SLC1A7: variants seen among roughly 807,000 people sequenced by gnomAD.
SLC1A7 encodes solute carrier family 1 member 7, also known as excitatory amino acid transporter 5.
A neutral mutation model predicts 47.7 loss-of-function variants in SLC1A7; 40 were observed. The ratio of observed to expected loss-of-function variants is 0.84; its 90% CI spans 0.65 to 1.09. The LOEUF is 1.09. SLC1A7 is among the 50% of genes least tolerant of loss of function. The pLI is 0.00. For synonymous variants in SLC1A7, 323 were observed against 325.6 expected (o/e 0.99, Z 0.09); for missense variants, 746 against 769.5 (o/e 0.97, Z 0.36).
chr1:53,117,601 T>G (rs938487541), intron 2 of SLC1A7, among the ~76,000 whole-genome samples: 1 of 152,252 alleles, frequency 6.6e-6, no homozygotes, highest in South Asian at 2.1e-4. Context: ...TTTGCATCTC[T>G]GCAGTGAGCC....
At chr1:53,134,202 C>G in intron 2 of SLC1A7, 148 bp downstream of exon 2, 1 of 566,518 alleles carries the variant, frequency 1.8e-6, no homozygotes, top group Non-Finnish European at 3.2e-6. Context: ...GCCGGCAGCC[C>G]ACGGCACTGC....
intron 2 of SLC1A7, chr1:53,115,741 G>C (rs1178173379): frequency 6.6e-6 from 1 of 152,286 alleles, no homozygotes; most frequent in African/African-American, 2.4e-5. Context: ...CTGGGCCCAG[G>C]CTCCTTGTCA....
intron 7 of SLC1A7, among the ~76,000 whole-genome samples, chr1:53,091,602 T>C (rs1347274485): frequency 6.6e-6 from 1 of 152,204 alleles, no homozygotes. Context: ...TGGGCTTTTC[T>C]TCACTGGGGT....
Position 53,142,484 on chromosome 1 carries a change from C to A in SLC1A7, c.-35G>T. ...GGCCTGCTGGCAAGGGGCACAGCACCATTCCACGCATGAGAGCCCGGCCGG... is the reference window on the plus strand; with the variant it reads ...GGCCTGCTGGCAAGGGGCACAGCACAATTCCACGCATGAGAGCCCGGCCGG... On this transcript the variant is annotated 5_prime_UTR_variant, in exon 1 of 11. An upstream start codon of the reference 5' UTR is lost. Coordinates refer to ENST00000371494, the MANE Select transcript of SLC1A7 (RefSeq NM_006671.6). 1 of 1,607,468 alleles carries A rather than the reference C, an allele frequency of 6.2e-7. No homozygotes were observed. Among genetic ancestry groups the A allele is most frequent in the Non-Finnish European group, 8.5e-7 (1 of 1,177,196 alleles).
intron 7 of SLC1A7, 93 bp from the exon 8 acceptor site, chr1:53,090,899 C>T: frequency 6.5e-7 from 1 of 1,549,356 alleles, no homozygotes; most frequent in Non-Finnish European, 8.7e-7. Flanking sequence ...GGCAGCCACC[C>T]CGCCAGGAGT....
At chr1:53,097,245 C>A (rs971056079) in intron 5 of SLC1A7, among the ~76,000 whole-genome samples, 2 of 150,706 alleles carry the variant, frequency 1.3e-5, no homozygotes, top group Non-Finnish European at 3.0e-5. Flanking sequence ...TCGGTACACT[C>A]ATTTTTTCTC....
At chr1:53,137,400 A>G (rs28850943) in intron 1 of SLC1A7, among the ~76,000 whole-genome samples, 52,439 of 151,766 alleles carry the variant, frequency 0.35, 9,291 homozygotes, top group Admixed American at 0.44. Context: ...GCTGTTTCCC[A>G]TAGTATCACT....
intron 5 of SLC1A7, among the ~76,000 whole-genome samples, chr1:53,096,730 C>T (rs151224712): frequency 0.013 from 2,033 of 151,336 alleles, 31 homozygotes; most frequent in Non-Finnish European, 0.017. Flanking sequence ...CACTCACATA[C>T]CCCGCCTTGA....
At chr1:53,111,908 C>T (rs1364047465) in intron 3 of SLC1A7, among the ~76,000 whole-genome samples, 2 of 152,164 alleles carry the variant, frequency 1.3e-5, no homozygotes, top group Non-Finnish European at 2.9e-5. Flanking sequence ...AGGTGACAGC[C>T]ACGCGATAGG....
In SLC1A7 at chr1:53,092,775, G is replaced by A. The variant is rs771136123; in HGVS notation, c.810C>T (p.Phe270=). 3.7e-6 allele frequency: 6 copies of A among 1,612,110 alleles called. No individual in the cohort carries two copies. Among genetic ancestry groups the A allele is most frequent in the African/African-American group, 2.7e-5 (2 of 75,014 alleles). Reference sequence around the variant, plus strand: ...TACCCGCAATGAGGAACACAATGCCGAAGGGGAAATACCTGGGGGCGGCGG... The same window carrying A: ...TACCCGCAATGAGGAACACAATGCCAAAGGGGAAATACCTGGGGGCGGCGG... The part of the protein sequence containing the change: ...IVAVAVWYFP[F]GIVFLIAGKI... The change falls in exon 7 of 11, where the codon TTC becomes TTT. Residue 270 remains phenylalanine, a synonymous_variant. Coordinates refer to ENST00000371494, the MANE Select transcript of SLC1A7 (RefSeq NM_006671.6).
chr1:53,131,271 A>G (rs1243156313), intron 2 of SLC1A7, among the ~76,000 whole-genome samples: 1 of 152,162 alleles, frequency 6.6e-6, no homozygotes, highest in African/African-American at 2.4e-5. Context: ...AGATCACATG[A>G]TCGCTTGTGG....
At chr1:53,089,041 G>T in intron 9 of SLC1A7, 62 bp from the exon 10 acceptor site, 2 of 1,309,980 alleles carry the variant, frequency 1.5e-6, no homozygotes, top group Non-Finnish European at 2.2e-6. Flanking sequence ...AGAGGGCAGT[G>T]CTCAACCCAG....
chr1:53,114,810 G>T lies in SLC1A7; in HGVS notation c.379C>A (p.Gln127Lys), dbSNP rs1379003410. ...GAGCTCATGATGGGCTTCCCACTCT[G>T]CTCCGTGGTCTCCTTCTGGGCCGCG... ...GSAAQKETTE[Q>K]SGKPIMSSAD... Residue 127 changes from glutamine (Q) to lysine (K), a missense_variant, in exon 3 of 11, where the codon CAG (glutamine) becomes AAG (lysine). Gln to Lys is a moderately conservative substitution (Grantham distance 53). Coordinates refer to ENST00000371494, the MANE Select transcript of SLC1A7 (RefSeq NM_006671.6). The T allele has an allele frequency of 1.2e-6, 2 of 1,614,092 alleles. No individual in the cohort carries two copies. The highest frequency in any genetic ancestry group is 2.7e-5 in the African/African-American group (2 of 74,950).
chr1:53,131,605 T>A (rs915481487), intron 2 of SLC1A7, among the ~76,000 whole-genome samples: 4 of 152,252 alleles, frequency 2.6e-5, no homozygotes, highest in African/African-American at 7.2e-5. Context: ...AGTCTCTCCA[T>A]CATCTCTGTG....
At chr1:53,140,778 C>T (rs1015507146) in intron 1 of SLC1A7, among the ~76,000 whole-genome samples, 1 of 152,072 alleles carries the variant, frequency 6.6e-6, no homozygotes, top group Non-Finnish European at 1.5e-5. Context: ...AAACTGAGGC[C>T]CAGGGAGGAG....
At chr1:53,106,193 T>A (rs1240873448) in intron 3 of SLC1A7, among the ~76,000 whole-genome samples, 1 of 151,954 alleles carries the variant, frequency 6.6e-6, no homozygotes, top group African/African-American at 2.4e-5. Flanking sequence ...GCCTCCCCCA[T>A]ATAGTGGCCG....
At chr1:53,120,682 G>C (rs1437797487) in intron 2 of SLC1A7, among the ~76,000 whole-genome samples, 1 of 152,180 alleles carries the variant, frequency 6.6e-6, no homozygotes, top group African/African-American at 2.4e-5. Flanking sequence ...ACTTCCCCAG[G>C]GCACCCTGTG....
intron 2 of SLC1A7, chr1:53,115,501 ATGAGTCTGACTT>A (rs66644307): frequency 0.13 from 21,503 of 164,816 alleles, 2,476 homozygotes; most frequent in African/African-American, 0.3. Flanking sequence ...GAGAGGAGGG[ATGAGTCTGACTT>A]CCCTGTGGGT....
intron 2 of SLC1A7, among the ~76,000 whole-genome samples, chr1:53,125,033 C>G (rs1769308): frequency 0.99 from 150,042 of 152,250 alleles, 73,973 homozygotes; most frequent in Middle Eastern, 1. Flanking sequence ...GTGGCCTGCT[C>G]GGGGAAGAAT....
Sources: allele counts gnomAD v4.1 joint callset (sites outside exome capture counted in the v4.1 genomes callset), GRCh38; gene constraint gnomAD v4.1.1; transcripts MANE v1.5; gene names NCBI Gene and HGNC (gene_info 2026-07-23, HGNC 2026-07-21).